BCOR: variants seen among roughly 807,000 people sequenced by gnomAD.
The protein encoded by BCOR is BCL-6 corepressor.
A neutral mutation model predicts 86.7 loss-of-function variants in BCOR; 10 were observed. The observed-to-expected ratio is 0.12, with a 90% CI of 0.07 to 0.20. The LOEUF is 0.20. Ranked by LOEUF, BCOR falls within the 10% of genes least tolerant of loss-of-function variation. BCOR has a pLI of 1.00. For synonymous variants in BCOR, 611 were observed against 609.0 expected (o/e 1.00, Z -0.05); for missense variants, 1,259 against 1,452.1 (o/e 0.87, Z 2.16).
intron 1 of BCOR, among the ~76,000 whole-genome samples, chrX:40,124,547 G>C (rs1452174262): frequency 9.0e-6 from 1 of 110,775 alleles, no homozygotes; most frequent in African/African-American, 3.3e-5. Flanking sequence ...ACACACGTGA[G>C]CCACGGCACC....
At chrX:40,101,926 C>T (rs1937081480), upstream of BCOR, among the ~76,000 whole-genome samples, 1 of 111,882 alleles carries the variant, frequency 8.9e-6, no homozygotes, top group African/African-American at 3.3e-5. Flanking sequence ...TAAAAACACA[C>T]CCACACTTAT....
At chrX:40,143,220 CTGTGTGTG>C (rs745604370) in intron 1 of BCOR, among the ~76,000 whole-genome samples, 2 of 109,652 alleles carry the variant, frequency 1.8e-5, no homozygotes, top group African/African-American at 3.3e-5. Flanking sequence ...TGCTGTGTGT[CTGTGTGTG>C]TGTGTGTGTG....
chrX:40,128,241 A>C (rs188444420), intron 1 of BCOR, among the ~76,000 whole-genome samples: 43 of 106,092 alleles, frequency 4.1e-4, no homozygotes, highest in Non-Finnish European at 5.2e-4. Flanking sequence ...AAACAAAAAA[A>C]CAAAAAAGTA....
chrX:40,064,301 C>T, intron 7 of BCOR, 35 bp downstream of exon 7: 8 of 1,209,583 alleles, frequency 6.6e-6, no homozygotes, highest in Non-Finnish European at 7.8e-6. Flanking sequence ...CAAAGGCCCA[C>T]CCCCCGGCAG....
intron 10 of BCOR, among the ~76,000 whole-genome samples, chrX:40,058,555 T>C (rs1320813934): frequency 8.9e-5 from 10 of 112,059 alleles, no homozygotes; most frequent in African/African-American, 3.2e-4. Flanking sequence ...CTGAAAATTC[T>C]TTTATGCCCT....
intron 1 of BCOR, among the ~76,000 whole-genome samples, chrX:40,138,232 G>A (rs1340419235): frequency 1.8e-5 from 2 of 112,282 alleles, no homozygotes; most frequent in African/African-American, 3.2e-5. Context: ...GATTACAGGC[G>A]TGAGTCACCA....
chrX:40,073,805 G>A lies in BCOR; in HGVS notation c.1541C>T (p.Pro514Leu). ...TAPSSWVVPG[P>L]SPNEENNGKS... The stretch of plus-strand genomic sequence containing the variant: ...GCCATTGTTCTCTTCGTTAGGACTT[G>A]GCCCGGGCACCACCCAGGATGAGGG... Residue 514 changes from proline to leucine, a missense_variant, in exon 4 of 15, where the codon CCA becomes CTA. Physicochemically the swap from Pro to Leu is moderately conservative, Grantham distance 98. Transcript: ENST00000378444. The A allele has an allele frequency of 8.2e-7, 1 of 1,212,448 alleles. No individual in the cohort carries two copies. The highest frequency in any genetic ancestry group is 1.8e-5 in the South Asian group (1 of 57,051).
intron 1 of BCOR, among the ~76,000 whole-genome samples, chrX:40,140,415 G>A (rs929385622): frequency 5.4e-5 from 6 of 111,122 alleles, no homozygotes; most frequent in Admixed American, 9.6e-5. Flanking sequence ...AGTGAGCTGT[G>A]ATCACCTCAC....
chrX:40,113,213 ATTTT>A lies in BCOR; in HGVS notation c.-40-35248_-40-35245del, dbSNP rs1210651652. ...TATTTATTTATTTATTTATTTATTT[ATTTT>A]GAGACAGGATCAAGACCTCATCTCC... is the stretch of plus-strand genomic sequence containing the variant. On this transcript the variant is annotated intron_variant, in intron 1 of 14. Coordinates refer to the BCOR transcript ENST00000342274. Among the ~76,000 whole-genome samples the A allele has an allele frequency of 5.0e-5, 5 of 99,187 alleles. No homozygotes were observed. In the East Asian group the frequency reaches 1.4e-3, roughly 29 times the overall value. The allele number at this position is 99,187 out of a possible 115,157, so 86.1% of individuals were successfully genotyped here.
intron 1 of BCOR, among the ~76,000 whole-genome samples, chrX:40,176,309 C>T (rs1015561473): frequency 1.8e-5 from 2 of 112,484 alleles, no homozygotes; most frequent in Non-Finnish European, 3.8e-5. Flanking sequence ...TAGCCCCGCT[C>T]CGGCTTGCAC....
intron 1 of BCOR, among the ~76,000 whole-genome samples, chrX:40,084,705 C>CG (rs1389381302): frequency 1.0e-5 from 1 of 97,805 alleles, no homozygotes; most frequent in African/African-American, 4.7e-5. Context: ...TCGCCGCCAC[C>CG]CCCCCCCACC....
intron 1 of BCOR, among the ~76,000 whole-genome samples, chrX:40,165,980 C>T (rs889417454): frequency 8.9e-6 from 1 of 111,773 alleles, no homozygotes; most frequent in Non-Finnish European, 1.9e-5. Context: ...TTATCATCTT[C>T]CTGGTGCTTC....
intron 1 of BCOR, among the ~76,000 whole-genome samples, chrX:40,080,395 C>T (rs755404550): frequency 9.0e-6 from 1 of 110,977 alleles, no homozygotes; most frequent in East Asian, 2.9e-4. Context: ...GAGCCGAGAT[C>T]GCACCATTGC....
At position 40,073,860 on chromosome X, in the gene BCOR, T is replaced by C; in HGVS notation, c.1486A>G (p.Ile496Val). The change falls in exon 4 of 15, where the codon ATC (isoleucine) becomes GTC (valine). Residue 496 changes from isoleucine to valine, a missense_variant. Transcript: ENST00000378444. ...GTGCTGATGATTTCAGATCTATAGATAGCACAACCATTTCCTGGAGGAGAT... is the reference window on the plus strand; with the variant it reads ...GTGCTGATGATTTCAGATCTATAGACAGCACAACCATTTCCTGGAGGAGAT... ...TLSPPGNGCAIYRSEIISTAP... is the reference protein window; with the variant it reads ...TLSPPGNGCAVYRSEIISTAP... 1 of 1,212,198 alleles carries C rather than the reference T, an allele frequency of 8.2e-7. No individual in the cohort carries two copies. The highest frequency in any genetic ancestry group is 1.1e-6 in the Non-Finnish European group (1 of 895,573).
chrX:40,156,730 G>A (rs369823470), intron 1 of BCOR, among the ~76,000 whole-genome samples: 31 of 110,099 alleles, frequency 2.8e-4, no homozygotes, highest in East Asian at 1.7e-3. Context: ...AAATCCTAGG[G>A]CTTAGGCGCC....
intron 11 of BCOR, 112 bp downstream of exon 11, chrX:40,057,043 C>A: frequency 1.1e-6 from 1 of 871,531 alleles, no homozygotes; most frequent in Non-Finnish European, 1.7e-6. Context: ...TGCTTACAGT[C>A]ACCCTCTGTC....
chrX:40,133,127 T>C, intron 1 of BCOR, among the ~76,000 whole-genome samples: 1 of 110,128 alleles, frequency 9.1e-6, no homozygotes, highest in Non-Finnish European at 1.9e-5. Context: ...AATTTCTTTT[T>C]TTTCTTTTTT....
chrX:40,090,261 G>A (rs1298860677), intron 1 of BCOR, among the ~76,000 whole-genome samples: 5 of 113,429 alleles, frequency 4.4e-5, no homozygotes, highest in Admixed American at 3.7e-4. Flanking sequence ...CCTCGGCGGC[G>A]GGAGGGACGG....
intron 6 of BCOR, chrX:40,067,871 T>C (rs1935280929): frequency 8.9e-6 from 1 of 112,020 alleles, no homozygotes; most frequent in African/African-American, 3.3e-5. Context: ...CAAATGGGGC[T>C]ATTCTTACCA....
Sources: allele counts gnomAD v4.1 joint callset (sites outside exome capture counted in the v4.1 genomes callset), GRCh38; gene constraint gnomAD v4.1.1; transcripts MANE v1.5; gene names NCBI Gene and HGNC (gene_info 2026-07-23, HGNC 2026-07-21).